Variants in CRTC1 observed in about 807,000 individuals in gnomAD.
CRTC1 encodes the protein CREB regulated transcription coactivator 1.
CRTC1 carries 18 observed loss-of-function variants against 66.1 expected under a neutral mutation model. The observed-to-expected ratio is 0.27, with a 90% confidence interval of 0.19 to 0.40. The LOEUF (loss-of-function observed/expected upper bound fraction) is 0.40, where lower values mean the gene tolerates loss of function less well. Among genes scored for constraint, CRTC1 ranks in the 10% least tolerant of loss-of-function variants. The probability of loss-of-function intolerance (pLI) is 1.00; values close to 1 mark genes in which losing one functional copy is unlikely to be tolerated. For missense variants in CRTC1, 669 were observed against 887.9 expected, an observed-to-expected ratio of 0.75 and a Z score of 3.13; for synonymous variants, 416 against 398.8, an observed-to-expected ratio of 1.04 and a Z score of -0.51.
chr19:18,775,326 C>T lies in CRTC1; in HGVS notation c.1513-315C>T, dbSNP rs776386221. Among the ~76,000 whole-genome samples the T allele has an allele frequency of 2.6e-4, 40 of 152,230 alleles. 1 individual carries two copies. Among genetic ancestry groups the T allele is most frequent in the South Asian group, 6.2e-4 (3 of 4,838 alleles). On this transcript the variant is annotated intron_variant, in intron 12 of 13. Coordinates refer to ENST00000321949, the MANE Select transcript of CRTC1 (RefSeq NM_015321.3). ...GGCGCCTCGGCATGGACCGTGCACG[C>T]GGGTTTGCCGGGAGGTCGTGCTGGC...
Position 18,779,107 on chromosome 19 carries a change from C to T in CRTC1, c.*1725C>T. ...GGAATAGGAACTGCTGTTCTGATCC[C>T]CCCAAAACTGCATTGCGGCTCTCGC... On this transcript the variant is annotated 3_prime_UTR_variant, in exon 14 of 14. Coordinates refer to ENST00000321949, the MANE Select transcript of CRTC1 (RefSeq NM_015321.3). 8.6e-6 allele frequency: 2 copies of T among 232,788 alleles called. No individual in the cohort carries two copies. Among genetic ancestry groups the T allele is most frequent in the Admixed American group, 1.1e-4 (2 of 17,780 alleles). 14.4% of individuals were successfully genotyped at this position (232,788 alleles called of 1,614,324 possible). A position where few individuals can be genotyped will look rare whatever the true frequency, so the allele number is the denominator to read the frequency against.
chr19:18,687,761 G>T (rs1245499090), intron 1 of CRTC1, among the ~76,000 whole-genome samples: 1 of 152,172 alleles, frequency 6.6e-6, no homozygotes, highest in Non-Finnish European at 1.5e-5. Context: ...AGGCCAGTCA[G>T]CAGATGTTTG....
Position 18,765,406 on chromosome 19 carries a change from A to G in CRTC1, c.889A>G (p.Met297Val), listed in dbSNP as rs778393658. The G allele has an allele frequency of 3.7e-6, 6 of 1,611,340 alleles. No individual in the cohort carries two copies. The highest frequency in any genetic ancestry group is 4.2e-6 in the Non-Finnish European group (5 of 1,178,704). The change falls in exon 9 of 14, where the codon ATG becomes GTG. Residue 297 changes from methionine to valine, a missense_variant and splice_region_variant. Transcript: ENST00000321949. ...HLGIGGAGQG[M>V]STPGSSPQHR... The stretch of plus-strand genomic sequence containing the variant: ...CCTCCCTCCTACTTCCTCTCTAGGA[A>G]TGAGCACACCTGGCTCCTCTCCACA...
chr19:18,745,939 A>T lies in CRTC1; in HGVS notation c.360A>T (p.Ser120=). 1 of 1,612,124 alleles carries T rather than the reference A, an allele frequency of 6.2e-7. No individual in the cohort carries two copies. Among genetic ancestry groups the T allele is most frequent in the Non-Finnish European group, 8.5e-7 (1 of 1,179,036 alleles). The part of the protein sequence containing the change: ...RLGSPHRRPL[S]VDKHGRQADS... ...GCTCCCCACACCGCCGGCCCCTGTCAGTGGACAAACACGGACGGCAGATAT... is the reference window on the plus strand; with the variant it reads ...GCTCCCCACACCGCCGGCCCCTGTCTGTGGACAAACACGGACGGCAGATAT... Residue 120 remains serine, a synonymous_variant, in exon 3 of 14, where the codon TCA becomes TCT. Coordinates refer to ENST00000321949, the MANE Select transcript of CRTC1 (RefSeq NM_015321.3).
intron 1 of CRTC1, among the ~76,000 whole-genome samples, chr19:18,702,533 CT>C (rs34068358): frequency 0.039 from 5,028 of 128,108 alleles, 275 homozygotes; most frequent in African/African-American, 0.13. Flanking sequence ...AGGGGATAGT[CT>C]TTTTTTTTTT....
At chr19:18,692,137 C>T (rs1017403526) in intron 1 of CRTC1, among the ~76,000 whole-genome samples, 6 of 152,122 alleles carry the variant, frequency 3.9e-5, no homozygotes, top group Non-Finnish European at 8.8e-5. Context: ...TCTGTCTCAT[C>T]CAGTGTAGAG....
chr19:18,714,094 C>T (rs189847988), intron 1 of CRTC1, among the ~76,000 whole-genome samples: 40 of 152,320 alleles, frequency 2.6e-4, no homozygotes, highest in African/African-American at 4.1e-4. Flanking sequence ...TGTCCTTACA[C>T]GTATGCATGA....
intron 1 of CRTC1, among the ~76,000 whole-genome samples, chr19:18,690,337 G>A (rs937267897): frequency 3.3e-5 from 5 of 152,184 alleles, no homozygotes; most frequent in African/African-American, 9.7e-5. Flanking sequence ...GGTTAGCTGA[G>A]TGTGGAGCCC....
chr19:18,756,850 A>G (rs2054499814), intron 6 of CRTC1, among the ~76,000 whole-genome samples: 1 of 152,098 alleles, frequency 6.6e-6, no homozygotes, highest in Non-Finnish European at 1.5e-5. Flanking sequence ...ATGTTGGTGG[A>G]ATGCTTTTCA....
intron 6 of CRTC1, among the ~76,000 whole-genome samples, chr19:18,757,878 C>T (rs1035840940): frequency 2.7e-5 from 4 of 149,104 alleles, no homozygotes; most frequent in East Asian, 2.0e-4. Flanking sequence ...ATTAGCCGGG[C>T]GTGGTGGCGG....
chr19:18,738,748 C>T (rs372463058), intron 1 of CRTC1, among the ~76,000 whole-genome samples: 2 of 152,148 alleles, frequency 1.3e-5, no homozygotes, highest in Admixed American at 6.5e-5. Context: ...TGCAGTGAGC[C>T]GAGATCGCGC....
chr19:18,736,461 C>A (rs1371640744), intron 1 of CRTC1, among the ~76,000 whole-genome samples: 1 of 152,034 alleles, frequency 6.6e-6, no homozygotes, highest in East Asian at 1.9e-4. Flanking sequence ...TGCTCTCAGG[C>A]AGTCTCTGTG....
intron 12 of CRTC1, 103 bp from the exon 13 acceptor site, chr19:18,775,538 G>T (rs1441356585): frequency 1.9e-6 from 2 of 1,077,232 alleles, no homozygotes; most frequent in Admixed American, 6.3e-5. Context: ...CAGGGACAGA[G>T]TCCCCAGCTG....
At chr19:18,773,205 A>G (rs1383243360) in intron 11 of CRTC1, among the ~76,000 whole-genome samples, 1 of 151,998 alleles carries the variant, frequency 6.6e-6, no homozygotes, top group East Asian at 1.9e-4. Context: ...AGATGGTTCT[A>G]GGTGGAGCCG....
chr19:18,701,459 G>C (rs1158741985), intron 1 of CRTC1, among the ~76,000 whole-genome samples: 1 of 152,262 alleles, frequency 6.6e-6, no homozygotes, highest in Non-Finnish European at 1.5e-5. Flanking sequence ...GCTACTTGGG[G>C]CAACAGTGAG....
chr19:18,742,732 G>A (rs2145726865), intron 1 of CRTC1, among the ~76,000 whole-genome samples, 178 bp from the exon 2 acceptor site: 1 of 152,340 alleles, frequency 6.6e-6, no homozygotes, highest in East Asian at 1.9e-4. Flanking sequence ...TTCTGATTCT[G>A]CCATTTTTGG....
intron 1 of CRTC1, among the ~76,000 whole-genome samples, chr19:18,701,311 G>C (rs942105134): frequency 2.0e-5 from 3 of 152,256 alleles, no homozygotes; most frequent in Non-Finnish European, 4.4e-5. Context: ...GTAAAAAGGG[G>C]GTGCTCACAG....
Position 18,777,224 on chromosome 19 carries a change from G to A in CRTC1, c.1747G>A (p.Gly583Arg), listed in dbSNP as rs778913373. Residue 583 changes from glycine to arginine, a missense_variant, in exon 14 of 14, where the codon GGG (glycine) becomes AGG (arginine). Transcript: ENST00000321949. The surrounding 1 kb of genome is among the most constrained non-coding windows in gnomAD (Gnocchi z 5.5). ...TAAAGAACTGACCAGCTCTCTGGCC[G>A]GGGTCGGCGACGTCAGCTTCGACTC... Reference protein sequence around the residue: ...LSKELTSSLAGVGDVSFDSDS... With the variant: ...LSKELTSSLARVGDVSFDSDS... 2 of 1,607,128 alleles carry A rather than the reference G, an allele frequency of 1.2e-6. No individual in the cohort carries two copies. Among genetic ancestry groups the A allele is most frequent in the South Asian group, 1.1e-5 (1 of 90,932 alleles).
At chr19:18,695,869 A>T (rs368540733) in intron 1 of CRTC1, among the ~76,000 whole-genome samples, 34 of 151,422 alleles carry the variant, frequency 2.2e-4, no homozygotes, top group African/African-American at 8.1e-4. Flanking sequence ...CATCTCAAAA[A>T]CAAACAAACA....
Sources: allele counts gnomAD v4.1 joint callset (sites outside exome capture counted in the v4.1 genomes callset), GRCh38; gene constraint gnomAD v4.1.1; non-coding constraint Gnocchi (gnomAD v3.1); transcripts MANE v1.5; gene names NCBI Gene and HGNC (gene_info 2026-07-23, HGNC 2026-07-21).